IRF9: variants seen among roughly 807,000 people sequenced by gnomAD.
IRF9 encodes the protein interferon regulatory factor 9, also known as IFN-alpha-responsive transcription factor subunit.
Under a neutral mutation model 44.1 loss-of-function variants are expected in IRF9, and 13 were observed. The ratio of observed to expected loss-of-function variants is 0.29; its 90% CI spans 0.19 to 0.47. IRF9 has a LOEUF of 0.47. Ranked by LOEUF, IRF9 falls within the 20% of genes least tolerant of loss-of-function variation. IRF9 has a pLI of 1.00. For synonymous variants in IRF9, 189 were observed against 188.5 expected (o/e 1.00, Z -0.02); for missense variants, 373 against 496.1 (o/e 0.75, Z 2.36).
In IRF9 at chr14:24,166,380, C is replaced by CTTTT; in HGVS notation, c.*193_*196dup. 1.8e-6 allele frequency: 1 copy of CTTTT among 544,386 alleles called. No homozygotes were observed. The highest frequency in any genetic ancestry group is 2.4e-5 in the South Asian group (1 of 42,364). 33.7% of individuals were successfully genotyped at this position (544,386 alleles called of 1,614,324 possible). A position where few individuals can be genotyped will look rare whatever the true frequency, so the allele number is the denominator to read the frequency against. On this transcript the variant is annotated 3_prime_UTR_variant, in exon 9 of 9. Transcript: ENST00000396864. ...GAGAACTCAAGGCTAATTTTTTATC[C>CTTTT]TTTTTTTTTTTTAATTTTGAGATAT...
rs367862499 is a variant in IRF9 at position 24,162,152 on chromosome 14, C to T, written c.8C>T (p.Ser3Leu). 8.1e-5 allele frequency: 131 copies of T among 1,613,680 alleles called. No individual in the cohort carries two copies. Among genetic ancestry groups the T allele is most frequent in the Non-Finnish European group, 1.1e-4 (124 of 1,179,830 alleles). MASGRARCTRKLR... is the reference protein window; with the variant it reads MALGRARCTRKLR... ...CTCCTATTATCCCCCAGGATGGCATCAGGCAGGGCACGCTGCACCCGAAAA... is the reference window on the plus strand; with the variant it reads ...CTCCTATTATCCCCCAGGATGGCATTAGGCAGGGCACGCTGCACCCGAAAA... The change falls in exon 2 of 9, where the codon TCA becomes TTA. Residue 3 changes from serine to leucine, a missense_variant. Physicochemically the swap from Ser to Leu is moderately radical, Grantham distance 145 (BLOSUM62 -2). Transcript: ENST00000396864.
In IRF9 at chr14:24,163,292, C is replaced by A. The variant is rs2038482683; in HGVS notation, c.365-86C>A. The A allele has an allele frequency of 3.9e-6, 6 of 1,556,912 alleles. No homozygotes were observed. In the East Asian group the frequency reaches 6.7e-5, roughly 18 times the overall value. On this transcript the variant is annotated intron_variant, in intron 3 of 8. Coordinates refer to ENST00000396864, the MANE Select transcript of IRF9 (RefSeq NM_006084.5). ...CCCAGGTTTCCCTTCCTAGACCTGC[C>A]CATCCTTCACTGCCTCAGACCTCTC...
rs1218064727 is a variant in IRF9, at chr14:24,162,103, A to G, written c.-1-41A>G. 7.5e-6 allele frequency: 12 copies of G among 1,590,078 alleles called. No homozygotes were observed. In the African/African-American group the frequency reaches 1.3e-4, roughly 18 times the overall value. On this transcript the variant is annotated intron_variant, in intron 1 of 8. Transcript: ENST00000396864. ...GGGTCTCAGGAGATGTTCCCTCCCAAAGTGTCAGTTCTGATGCATCCTGCT... is the reference window on the plus strand; with the variant it reads ...GGGTCTCAGGAGATGTTCCCTCCCAGAGTGTCAGTTCTGATGCATCCTGCT...
chr14:24,162,791 C>T, intron 2 of IRF9, 175 bp from the exon 3 acceptor site: 1 of 574,924 alleles, frequency 1.7e-6, no homozygotes. Flanking sequence ...GAGTGAGACT[C>T]TGTCTCAAAA....
chr14:24,162,884 C>A, intron 2 of IRF9, 82 bp from the exon 3 acceptor site: 1 of 1,098,932 alleles, frequency 9.1e-7, no homozygotes, highest in Non-Finnish European at 1.3e-6. Flanking sequence ...CTCAGAGCTG[C>A]ACGCCTGTAA....
At chr14:24,162,494 C>T in intron 2 of IRF9, 170 bp downstream of exon 2, 1 of 695,698 alleles carries the variant, frequency 1.4e-6, no homozygotes, top group Non-Finnish European at 2.3e-6. Context: ...AATGTGGAGG[C>T]CTTGTTCAAA....
At chr14:24,163,647 G>C in intron 4 of IRF9, 139 bp downstream of exon 4, 5 of 1,029,740 alleles carry the variant, frequency 4.9e-6, no homozygotes, top group Non-Finnish European at 7.1e-6. Flanking sequence ...AACCAGCCTC[G>C]ACCAACATGG....
rs1189415573 is a variant in IRF9, at chr14:24,162,301, G to T, written c.157G>T (p.Asp53Tyr). 1 of 1,614,062 alleles carries T rather than the reference G, an allele frequency of 6.2e-7. No homozygotes were observed. Among genetic ancestry groups the T allele is most frequent in the Non-Finnish European group, 8.5e-7 (1 of 1,179,966 alleles). ...KHAGKQDFRE[D>Y]QDAAFFKAWA... ...TGCAGGCAAGCAGGACTTCCGGGAGGACCAGGATGCTGCCTTCTTCAAGGT... is the reference window on the plus strand; with the variant it reads ...TGCAGGCAAGCAGGACTTCCGGGAGTACCAGGATGCTGCCTTCTTCAAGGT... Residue 53 changes from aspartate (D) to tyrosine (Y), a missense_variant, in exon 2 of 9, where the codon GAC (aspartate) becomes TAC (tyrosine). By Grantham distance (160) the Asp-to-Tyr change is radical (BLOSUM62 -3). Transcript: ENST00000396864.
Position 24,162,989 on chromosome 14 carries a change from G to A in IRF9, c.204G>A (p.Lys68=). ...AGGCCTGGGCAATATTTAAGGGAAA[G>A]TATAAGGAGGGGGACACAGGAGGTC... The part of the protein sequence containing the change: ...FFKAWAIFKG[K]YKEGDTGGPA... The change falls in exon 3 of 9, where the codon AAG becomes AAA. Residue 68 remains lysine (K), a synonymous_variant. Coordinates refer to ENST00000396864, the MANE Select transcript of IRF9 (RefSeq NM_006084.5). 1.2e-6 allele frequency: 2 copies of A among 1,613,944 alleles called. No individual in the cohort carries two copies. The highest frequency in any genetic ancestry group is 1.7e-6 in the Non-Finnish European group (2 of 1,179,978).
chr14:24,161,560 C>G (rs1370156575), intron 1 of IRF9, among the ~76,000 whole-genome samples: 1 of 152,210 alleles, frequency 6.6e-6, no homozygotes, highest in Non-Finnish European at 1.5e-5. Flanking sequence ...CTGGATTGTT[C>G]AAGGAAGAAG....
chr14:24,163,544 G>T, intron 4 of IRF9, 36 bp downstream of exon 4: 1 of 1,604,112 alleles, frequency 6.2e-7, no homozygotes, highest in Non-Finnish European at 8.5e-7. Flanking sequence ...GGGCCTAAGG[G>T]CAGGACAGTA....
In IRF9 at chr14:24,162,813, A is replaced by T. The variant is rs1196582007; in HGVS notation, c.181-153A>T. 6.3e-6 allele frequency: 4 copies of T among 633,768 alleles called. No individual in the cohort carries two copies. The South Asian group carries it at 8.5e-5, about 14-fold the overall frequency. 39.3% of individuals were successfully genotyped at this position (633,768 alleles called of 1,614,324 possible). A position where few individuals can be genotyped will look rare whatever the true frequency, so the allele number is the denominator to read the frequency against. On this transcript the variant is annotated intron_variant, in intron 2 of 8. Transcript: ENST00000396864. The stretch of plus-strand genomic sequence containing the variant: ...ACTCTGTCTCAAAAAAAAAAAAAAA[A>T]AATTTCCAAGGATTTCAAGATGGCA...
intron 2 of IRF9, 170 bp downstream of exon 2, chr14:24,162,494 C>G: frequency 1.4e-6 from 1 of 695,698 alleles, no homozygotes; most frequent in Non-Finnish European, 2.3e-6. Context: ...AATGTGGAGG[C>G]CTTGTTCAAA....
rs768949925 is a variant in IRF9, at chr14:24,164,832, G to A, written c.868G>A (p.Val290Met). 6 of 1,609,978 alleles carry A rather than the reference G, an allele frequency of 3.7e-6. No individual in the cohort carries two copies. Among genetic ancestry groups the A allele is most frequent in the South Asian group, 2.2e-5 (2 of 91,082 alleles). The change falls in exon 7 of 9, where the codon GTG becomes ATG. Residue 290 changes from valine to methionine, a missense_variant. Val to Met is a conservative substitution (Grantham distance 21). Transcript: ENST00000396864. The surrounding 1 kb of genome is among the most constrained non-coding windows in gnomAD (Gnocchi z 5.2). ...GGCCAGCAACCCCCGAGGCCTCTTC[G>A]TGCAGCGCCTTTGCCCCATCCCCAT... is the stretch of plus-strand genomic sequence containing the variant. ...LVASNPRGLF[V>M]QRLCPIPISW...
chr14:24,165,110 G>A (rs967936517), intron 7 of IRF9, 155 bp downstream of exon 7: 16 of 777,522 alleles, frequency 2.1e-5, no homozygotes, highest in Non-Finnish European at 3.1e-5. Context: ...TGCATATCCT[G>A]TGTGGCCATA....
In IRF9 at chr14:24,165,285, G is replaced by C. The variant is rs536637334; in HGVS notation, c.991+330G>C. ...ACAGAAGAATTGGCACAGAGATTTT[G>C]AGCCTCATGGCCTTCTCCTACGTAC... On this transcript the variant is annotated intron_variant, in intron 7 of 8. Transcript: ENST00000396864. The C allele has an allele frequency of 8.1e-4, 553 of 682,326 alleles. 12 individuals are homozygous for C. In the South Asian group the frequency reaches 8.3e-3, roughly 10 times the overall value. 42.3% of individuals were successfully genotyped at this position (682,326 alleles called of 1,614,324 possible).
chr14:24,162,874 C>A, intron 2 of IRF9, 92 bp from the exon 3 acceptor site: 2 of 979,338 alleles, frequency 2.0e-6, no homozygotes, highest in Non-Finnish European at 3.1e-6. Context: ...CCCTTCTGAG[C>A]TCAGAGCTGC....
Position 24,163,890 on chromosome 14 carries a change from G to A in IRF9, c.508G>A (p.Ala170Thr). 6.3e-7 allele frequency: 1 copy of A among 1,593,328 alleles called. No individual in the cohort carries two copies. The highest frequency in any genetic ancestry group is 2.2e-5 in the East Asian group (1 of 44,788). Residue 170 changes from alanine (A) to threonine (T), a missense_variant, in exon 5 of 9, where the codon GCC becomes ACC. By Grantham distance (58) the Ala-to-Thr change is moderately conservative. Coordinates refer to ENST00000396864, the MANE Select transcript of IRF9 (RefSeq NM_006084.5). ...QDSLNNEEEG[A>T]SGGAVHSDIG... ...ACTGTGTCCGCAGGAGGAGGAGGGG[G>A]CCAGTGGGGGAGCAGTCCATTCAGA...
Position 24,163,033 on chromosome 14 carries a change from G to A in IRF9, c.248G>A (p.Arg83His), listed in dbSNP as rs755452055. ...GGAGGTCCAGCTGTCTGGAAGACTC[G>A]CCTGCGCTGTGCACTCAACAAGAGT... ...DTGGPAVWKT[R>H]LRCALNKSSE... is the part of the protein sequence containing the mutation. The change falls in exon 3 of 9, where the codon CGC (arginine) becomes CAC (histidine). Residue 83 changes from arginine (R) to histidine (H), a missense_variant. Arg to His is a conservative substitution (Grantham distance 29). This residue lies in a region of IRF9 where 227 missense variants were observed against 255.3 expected (regional missense o/e 0.89). Transcript: ENST00000396864. 5 of 1,614,094 alleles carry A rather than the reference G, an allele frequency of 3.1e-6. No homozygotes were observed. Among genetic ancestry groups the A allele is most frequent in the Non-Finnish European group, 4.2e-6 (5 of 1,180,014 alleles).
Sources: gnomAD v4.1 joint callset for allele counts (sites outside exome capture counted in the v4.1 genomes callset) on GRCh38, gnomAD v4.1.1 for gene constraint, gnomAD v4.1.1 regional missense constraint, Gnocchi (gnomAD v3.1) non-coding constraint, MANE v1.5 for transcripts, NCBI Gene and HGNC (gene_info 2026-07-23, HGNC 2026-07-21) for gene names.